Variants in PRR20A observed in about 807,000 individuals in gnomAD.
PRR20A encodes proline-rich protein 20A.
rs1875109560 is a variant in PRR20A at position 57,140,924 on chromosome 13, G to A, written c.-227G>A. The A allele has an allele frequency of 4.4e-4, 1 of 2,292 alleles. No homozygotes were observed. The highest frequency in any genetic ancestry group is 2.1e-3 in the Admixed American group (1 of 478). 0.1% of individuals were successfully genotyped at this position (2,292 alleles called of 1,614,324 possible). ...ACGCGACTGCCTTGCTGCCATATAA[G>A]AGGGACGGCGCTCGGCCTCCAGCAG... On this transcript the variant is annotated 5_prime_UTR_variant, in exon 1 of 3. Coordinates refer to ENST00000377931, the MANE Select transcript of PRR20A (RefSeq NM_198441.2).
In PRR20A at chr13:57,141,375, ACTC is replaced by A. The variant is rs144231433; in HGVS notation, c.52+23_52+25del. 0.059 allele frequency: 16 copies of A among 272 alleles called. 1 individual carries two copies. Among genetic ancestry groups the A allele is most frequent in the Non-Finnish European group, 0.1 (11 of 110 alleles). 0.0% of individuals were successfully genotyped at this position (272 alleles called of 1,614,324 possible). The stretch of plus-strand genomic sequence containing the variant: ...AATCAAGGTACATCAAACGCCTGCC[ACTC>A]CTCTCTTTTTAATTTCGTCTGTTCC... On this transcript the variant is annotated intron_variant, in intron 2 of 2. Coordinates refer to ENST00000377931, the MANE Select transcript of PRR20A (RefSeq NM_198441.2).
Sources: gnomAD v4.1 joint callset for allele counts on GRCh38, gnomAD v4.1.1 for gene constraint, MANE v1.5 for transcripts, NCBI Gene and HGNC (gene_info 2026-07-23, HGNC 2026-07-21) for gene names.